MKX: variants seen among roughly 807,000 people sequenced by gnomAD.
MKX encodes homeobox protein Mohawk.
In MKX, 13 loss-of-function variants were observed where a neutral mutation model predicts 36.0. That is an observed-to-expected ratio of 0.36 (90% CI 0.24 to 0.57). The LOEUF is 0.57. Among genes scored for constraint, MKX ranks in the 20% least tolerant of loss-of-function variants. The pLI is 0.79. For synonymous variants in MKX, 176 were observed against 178.3 expected, an observed-to-expected ratio of 0.99 and a Z score of 0.10; for missense variants, 458 against 456.4, an observed-to-expected ratio of 1.00 and a Z score of -0.03.
chr10:27,732,388 A>T (rs746375269), intron 5 of MKX, among the ~76,000 whole-genome samples: 1 of 152,140 alleles, frequency 6.6e-6, no homozygotes, highest in Non-Finnish European at 1.5e-5. Flanking sequence ...GAGAATGCCA[A>T]TTTATTTAAA....
rs371183956 is a variant in MKX, at chr10:27,729,377, G to A, written c.838+5079C>T. 9.7e-5 allele frequency among the ~76,000 whole-genome samples: 14 copies of A among 144,104 alleles called. No homozygotes were observed. The East Asian group carries it at 2.9e-3, about 30-fold the overall frequency. 94.5% of individuals were successfully genotyped at this position (144,104 alleles called of 152,430 possible). ...GGCATGATCTCGTGATCTCGGCTCA[G>A]TGCAACCTCCACCACCTCCCAGGTT... On this transcript the variant is annotated intron_variant, in intron 5 of 6. Transcript: ENST00000419761.
chr10:27,704,395 A>G (rs1286642552), intron 5 of MKX, among the ~76,000 whole-genome samples: 1 of 152,228 alleles, frequency 6.6e-6, no homozygotes, highest in Non-Finnish European at 1.5e-5. Context: ...TGAAAAAAGA[A>G]CAATGAGGAA....
intron 5 of MKX, among the ~76,000 whole-genome samples, chr10:27,699,752 G>T (rs902353590): frequency 1.3e-4 from 20 of 152,182 alleles, no homozygotes; most frequent in Admixed American, 9.2e-4. Flanking sequence ...GGGTGCATGT[G>T]TGACGGTCAT....
At chr10:27,709,023 G>T (rs1836807143) in intron 5 of MKX, among the ~76,000 whole-genome samples, 1 of 152,088 alleles carries the variant, frequency 6.6e-6, no homozygotes. Flanking sequence ...AAAAAAATTA[G>T]CTGGGCATGG....
chr10:27,711,499 TTTCCTTCC>T (rs58561142), intron 5 of MKX, among the ~76,000 whole-genome samples: 56,487 of 92,104 alleles, frequency 0.61, 18,808 homozygotes, highest in Non-Finnish European at 0.71. Context: ...CTCTCTCTTC[TTTCCTTCC>T]TTCCTTCCTT....
At position 27,741,789 on chromosome 10, in the gene MKX, A is replaced by G. The variant is rs995212758; in HGVS notation, c.189-285T>C. Among the ~76,000 whole-genome samples the G allele has an allele frequency of 2.0e-5, 3 of 152,220 alleles. No homozygotes were observed. Among genetic ancestry groups the G allele is most frequent in the Non-Finnish European group, 2.9e-5 (2 of 68,038 alleles). On this transcript the variant is annotated intron_variant, in intron 2 of 6. Transcript: ENST00000419761. The surrounding 1 kb of genome is among the most constrained non-coding windows in gnomAD (Gnocchi z 5.1). ...ACGAAGGTCAAGTGATTTGAAGAAT[A>G]CTGCTATTCCAGTCGCGTATCTGGG...
At chr10:27,691,420 G>A (rs756623738) in intron 5 of MKX, among the ~76,000 whole-genome samples, 9 of 152,086 alleles carry the variant, frequency 5.9e-5, no homozygotes, top group South Asian at 2.1e-4. Flanking sequence ...TGTTCACTAC[G>A]GTATAGCAGC....
chr10:27,715,376 G>C (rs556458015), intron 5 of MKX, among the ~76,000 whole-genome samples: 1 of 152,156 alleles, frequency 6.6e-6, no homozygotes, highest in Non-Finnish European at 1.5e-5. Flanking sequence ...GTGGCACTCC[G>C]GGAGAAAGGA....
intron 5 of MKX, among the ~76,000 whole-genome samples, chr10:27,690,371 A>AAAAACAAAGC (rs1836432241): frequency 6.7e-6 from 1 of 149,902 alleles, no homozygotes; most frequent in Non-Finnish European, 1.5e-5. Context: ...CTCCATCTCA[A>AAAAACAAAGC]AAAACAAAAC....
intron 5 of MKX, among the ~76,000 whole-genome samples, chr10:27,731,806 C>T (rs1834635923): frequency 6.6e-6 from 1 of 151,936 alleles, no homozygotes; most frequent in South Asian, 2.1e-4. Flanking sequence ...ATGCTATTCA[C>T]TCTGGCTTTA....
chr10:27,696,036 G>A (rs186687641), intron 5 of MKX, among the ~76,000 whole-genome samples: 8 of 152,228 alleles, frequency 5.3e-5, no homozygotes. Context: ...TAGGATTCAT[G>A]CCTTTTTTGT....
intron 5 of MKX, among the ~76,000 whole-genome samples, chr10:27,732,598 C>G (rs551890861): frequency 1.2e-3 from 187 of 152,022 alleles, no homozygotes; most frequent in South Asian, 2.9e-3. Flanking sequence ...TTTTCAGCTT[C>G]CCATTTGACC....
At position 27,673,181 on chromosome 10, in the gene MKX, TA is replaced by T. The variant is rs1836080817; in HGVS notation, c.*2047del. On this transcript the variant is annotated 3_prime_UTR_variant, in exon 7 of 7. Transcript: ENST00000419761. The stretch of plus-strand genomic sequence containing the variant: ...TAAAGTCTTCTTGACATGTTAATTA[TA>T]AAATCTTCCAACCTTTGGTATTAAA... 1 of 152,198 alleles carries T rather than the reference TA, an allele frequency of 6.6e-6. No homozygotes were observed. The highest frequency in any genetic ancestry group is 2.4e-5 in the African/African-American group (1 of 41,466). The allele number at this position is 152,198 out of a possible 1,614,324, so 9.4% of individuals were successfully genotyped here.
At chr10:27,721,888 G>C (rs1312016124) in intron 5 of MKX, among the ~76,000 whole-genome samples, 1 of 152,070 alleles carries the variant, frequency 6.6e-6, no homozygotes, top group Non-Finnish European at 1.5e-5. Context: ...GTATATAATG[G>C]GGGTAGTATT....
intron 5 of MKX, among the ~76,000 whole-genome samples, chr10:27,721,981 C>G (rs1834390331): frequency 6.6e-6 from 1 of 151,968 alleles, no homozygotes; most frequent in Admixed American, 6.6e-5. Flanking sequence ...AAAAAGTAGT[C>G]TGATCATGAT....
intron 5 of MKX, among the ~76,000 whole-genome samples, chr10:27,724,411 A>G (rs1834442806): frequency 1.3e-5 from 2 of 152,318 alleles, no homozygotes; most frequent in South Asian, 2.1e-4. Context: ...CTAAACTTCA[A>G]CTTTGCTTTG....
intron 5 of MKX, among the ~76,000 whole-genome samples, chr10:27,728,753 A>C (rs1834551424): frequency 6.6e-6 from 1 of 152,236 alleles, no homozygotes; most frequent in South Asian, 2.1e-4. Context: ...TACCAGCTTA[A>C]ATTTTAAGGC....
chr10:27,682,707 G>A (rs1024119068), intron 5 of MKX, among the ~76,000 whole-genome samples: 1 of 151,692 alleles, frequency 6.6e-6, no homozygotes, highest in South Asian at 2.1e-4. Flanking sequence ...CTGACCAGGC[G>A]CAGTGGCTCG....
intron 5 of MKX, among the ~76,000 whole-genome samples, chr10:27,690,554 T>C (rs1430628653): frequency 2.0e-5 from 3 of 152,310 alleles, no homozygotes; most frequent in Non-Finnish European, 4.4e-5. Context: ...ACACACACTA[T>C]ATCTAGGTTT....
Sources: gnomAD v4.1 joint callset for allele counts (sites outside exome capture counted in the v4.1 genomes callset) on GRCh38, gnomAD v4.1.1 for gene constraint, Gnocchi (gnomAD v3.1) non-coding constraint, MANE v1.5 for transcripts, NCBI Gene and HGNC (gene_info 2026-07-23, HGNC 2026-07-21) for gene names.